PIBF1: variants seen among roughly 807,000 people sequenced by gnomAD.
The protein encoded by PIBF1 is progesterone immunomodulatory binding factor 1, also known as progesterone-induced-blocking factor 1.
In PIBF1, 90 loss-of-function variants were observed where a neutral mutation model predicts 112.5. That is an observed-to-expected ratio of 0.80 (90% CI 0.67 to 0.95). The LOEUF (loss-of-function observed/expected upper bound fraction) is 0.95, where lower values mean the gene tolerates loss of function less well. PIBF1 is among the 40% of genes least tolerant of loss of function. PIBF1 has a pLI of 0.00. For synonymous variants in PIBF1, 301 were observed against 288.6 expected (o/e 1.04, Z -0.44); for missense variants, 915 against 852.3 (o/e 1.07, Z -0.92).
At chr13:72,972,191 A>C (rs2042913007) in intron 15 of PIBF1, among the ~76,000 whole-genome samples, 1 of 151,244 alleles carries the variant, frequency 6.6e-6, no homozygotes. Flanking sequence ...ATGTCTCCAC[A>C]CCTGGCTAAC....
chr13:72,821,727 GA>G, intron 5 of PIBF1, 121 bp from the exon 6 acceptor site: 1 of 632,384 alleles, frequency 1.6e-6, no homozygotes, highest in Non-Finnish European at 2.4e-6. Context: ...AAAAATTGAG[GA>G]ATTTTTTTTA....
intron 12 of PIBF1, 136 bp downstream of exon 12, chr13:72,908,817 G>A (rs921603082): frequency 4.7e-6 from 3 of 643,452 alleles, no homozygotes; most frequent in African/African-American, 3.8e-5. Flanking sequence ...GGGCGGCCAA[G>A]GTGGGCAAAT....
intron 9 of PIBF1, among the ~76,000 whole-genome samples, chr13:72,847,677 A>C (rs189253976): frequency 1.3e-5 from 2 of 152,308 alleles, no homozygotes; most frequent in East Asian, 3.9e-4. Flanking sequence ...AAAAGTTTCT[A>C]CTCTTAAAAT....
intron 2 of PIBF1, among the ~76,000 whole-genome samples, chr13:72,789,224 G>A (rs1052610116): frequency 2.6e-5 from 4 of 151,906 alleles, no homozygotes; most frequent in African/African-American, 9.7e-5. Flanking sequence ...TCACTCTCTT[G>A]CCCAGGCTGG....
chr13:72,900,456 C>G lies in PIBF1; in HGVS notation c.1488+6507C>G, dbSNP rs181360903. On this transcript the variant is annotated intron_variant, in intron 11 of 17. Transcript: ENST00000326291. ...AACCAGAAATAAACCCAAATACTTA[C>G]AGCCAACTGACCTTTGACAAAGCAA... Among the ~76,000 whole-genome samples the G allele has an allele frequency of 5.3e-5, 8 of 152,274 alleles. No individual in the cohort carries two copies. In the East Asian group the frequency reaches 1.2e-3, roughly 22 times the overall value.
At chr13:72,784,683 C>G (rs1034126172) in intron 2 of PIBF1, among the ~76,000 whole-genome samples, 4 of 148,264 alleles carry the variant, frequency 2.7e-5, no homozygotes, top group African/African-American at 9.9e-5. Context: ...CACTTGAATC[C>G]GGGGGCAGAC....
chr13:72,958,646 G>A (rs913275605), intron 14 of PIBF1, among the ~76,000 whole-genome samples: 3 of 152,178 alleles, frequency 2.0e-5, no homozygotes, highest in African/African-American at 7.2e-5. Context: ...AGACCTGCCT[G>A]TAATCCAGCG....
At position 72,835,332 on chromosome 13, in the gene PIBF1, G is replaced by A. The variant is rs1204149307; in HGVS notation, c.1187G>A (p.Arg396Gln). ...ACCAACCAAGAAATTGATCAACTTC[G>A]AAATGCCTCTAGGGAAATGTATGAA... is the stretch of plus-strand genomic sequence containing the variant. ...LKTNQEIDQLRNASREMYERE... is the reference protein window; with the variant it reads ...LKTNQEIDQLQNASREMYERE... The change falls in exon 9 of 18, where the codon CGA becomes CAA. Residue 396 changes from arginine (R) to glutamine (Q), a missense_variant. Coordinates refer to ENST00000326291, the MANE Select transcript of PIBF1 (RefSeq NM_006346.4). 8.2e-6 allele frequency: 13 copies of A among 1,589,466 alleles called. No homozygotes were observed. The highest frequency in any genetic ancestry group is 4.6e-5 in the South Asian group (4 of 86,610).
At chr13:72,971,288 A>G (rs1018732433) in intron 15 of PIBF1, among the ~76,000 whole-genome samples, 1 of 152,104 alleles carries the variant, frequency 6.6e-6, no homozygotes, top group Non-Finnish European at 1.5e-5. Flanking sequence ...ATATGAACAT[A>G]GACACATACA....
chr13:72,819,479 G>C (rs1008072166), intron 5 of PIBF1, among the ~76,000 whole-genome samples: 1 of 151,930 alleles, frequency 6.6e-6, no homozygotes, highest in African/African-American at 2.4e-5. Flanking sequence ...CATTGGCCCT[G>C]TTTTCTTCTC....
At chr13:72,887,977 G>A (rs191228099) in intron 10 of PIBF1, among the ~76,000 whole-genome samples, 3 of 152,208 alleles carry the variant, frequency 2.0e-5, no homozygotes, top group East Asian at 1.9e-4. Flanking sequence ...TTTTCCGACC[G>A]TGTTGGTATT....
At chr13:72,825,913 AAAATT>A (rs1031984378) in intron 6 of PIBF1, among the ~76,000 whole-genome samples, 2 of 151,800 alleles carry the variant, frequency 1.3e-5, no homozygotes, top group African/African-American at 4.8e-5. Flanking sequence ...AAAAAAAAAA[AAAATT>A]AAATTAGGCA....
At chr13:72,991,971 G>T (rs1347861066) in intron 16 of PIBF1, among the ~76,000 whole-genome samples, 2 of 152,134 alleles carry the variant, frequency 1.3e-5, no homozygotes, top group Admixed American at 6.6e-5. Flanking sequence ...ACCCACCTTG[G>T]CCTCCCAAAG....
chr13:73,004,328 TA>T (rs1435016157), intron 17 of PIBF1, among the ~76,000 whole-genome samples: 1 of 151,886 alleles, frequency 6.6e-6, no homozygotes, highest in Non-Finnish European at 1.5e-5. Context: ...TCATCTCTAC[TA>T]AAAATACAAA....
At chr13:72,872,296 G>A (rs1427374442) in intron 10 of PIBF1, among the ~76,000 whole-genome samples, 1 of 152,152 alleles carries the variant, frequency 6.6e-6, no homozygotes, top group African/African-American at 2.4e-5. Flanking sequence ...AATTTTCTGG[G>A]TAGTTTGAGA....
At chr13:73,014,219 C>T (rs571662521) in intron 17 of PIBF1, among the ~76,000 whole-genome samples, 2 of 152,180 alleles carry the variant, frequency 1.3e-5, no homozygotes, top group Admixed American at 6.5e-5. Flanking sequence ...AGTGATCTGC[C>T]TGCCTTGGCC....
chr13:72,956,762 C>T (rs902975841), intron 14 of PIBF1, among the ~76,000 whole-genome samples: 2 of 152,140 alleles, frequency 1.3e-5, no homozygotes, highest in Admixed American at 6.5e-5. Context: ...GATTCTAAAA[C>T]ATTAGACGAA....
At chr13:72,983,343 T>C (rs965458118) in intron 16 of PIBF1, among the ~76,000 whole-genome samples, 2 of 152,162 alleles carry the variant, frequency 1.3e-5, no homozygotes, top group African/African-American at 4.8e-5. Flanking sequence ...ATATCTTCTA[T>C]CCTCTCATTG....
intron 5 of PIBF1, among the ~76,000 whole-genome samples, chr13:72,799,278 A>G (rs949729561): frequency 6.6e-6 from 1 of 152,238 alleles, no homozygotes; most frequent in Non-Finnish European, 1.5e-5. Flanking sequence ...AGTTTTTGTC[A>G]ATGATATTAT....
Sources: allele counts gnomAD v4.1 joint callset (sites outside exome capture counted in the v4.1 genomes callset), GRCh38; gene constraint gnomAD v4.1.1; transcripts MANE v1.5; gene names NCBI Gene and HGNC (gene_info 2026-07-23, HGNC 2026-07-21).